Variants in VIT observed in about 807,000 individuals in gnomAD.
The protein encoded by VIT is vitrin.
Under a neutral mutation model 78.0 loss-of-function variants are expected in VIT, and 99 were observed. The observed-to-expected ratio is 1.27, with a 90% CI of 1.08 to 1.50. VIT has a LOEUF of 1.50. Among genes scored for constraint, VIT ranks in the 40% most tolerant of loss-of-function variants. VIT has a pLI of 0.00. For missense variants in VIT, 1,126 were observed against 875.3 expected (o/e 1.29, Z -3.61); for synonymous variants, 374 against 334.3 (o/e 1.12, Z -1.29).
At chr2:36,737,746 G>T (rs1217714794) in intron 3 of VIT, among the ~76,000 whole-genome samples, 1 of 152,186 alleles carries the variant, frequency 6.6e-6, no homozygotes, top group Non-Finnish European at 1.5e-5. Flanking sequence ...TGTAAGATTT[G>T]GTATAGCATG....
chr2:36,808,713 A>G lies in VIT; in HGVS notation c.1631A>G (p.Asp544Gly). 1 of 1,614,182 alleles carries G rather than the reference A, an allele frequency of 6.2e-7. No individual in the cohort carries two copies. The highest frequency in any genetic ancestry group is 8.5e-7 in the Non-Finnish European group (1 of 1,180,020). ...CTCACCAAAGAGTTTGAGATTTCCG[A>G]CACGGACACGCGCATCGGGGCCGTG... Reference protein sequence around the residue: ...TNLTKEFEISDTDTRIGAVQY... With the variant: ...TNLTKEFEISGTDTRIGAVQY... Residue 544 changes from aspartate to glycine, a missense_variant, in exon 15 of 16, where the codon GAC becomes GGC. Transcript: ENST00000379242.
chr2:36,788,849 T>C (rs1041391695), intron 12 of VIT, among the ~76,000 whole-genome samples: 1 of 152,144 alleles, frequency 6.6e-6, no homozygotes, highest in Non-Finnish European at 1.5e-5. Flanking sequence ...ATGATAAATA[T>C]GTCAGGGAAA....
At chr2:36,702,954 C>T (rs2148411179) in intron 1 of VIT, among the ~76,000 whole-genome samples, 1 of 152,300 alleles carries the variant, frequency 6.6e-6, no homozygotes, top group South Asian at 2.1e-4. Context: ...GGCTCCTCAG[C>T]CCTCCATGCA....
chr2:36,797,171 C>T (rs1160907649), intron 12 of VIT, among the ~76,000 whole-genome samples: 1 of 150,922 alleles, frequency 6.6e-6, no homozygotes, highest in Non-Finnish European at 1.5e-5. Flanking sequence ...ACTTTAAGGA[C>T]TCTGAAGCTT....
Position 36,781,813 on chromosome 2 carries a change from A to G in VIT, c.847+42A>G, listed in dbSNP as rs945544577. On this transcript the variant is annotated intron_variant, in intron 10 of 15. Transcript: ENST00000379242. ...ACCTCTCAGCCACGCGTGGATCAAG[A>G]TGCGCAGGATAGCAGAACTAAGAGT... The G allele has an allele frequency of 4.3e-6, 7 of 1,609,376 alleles. No homozygotes were observed. In the East Asian group the frequency reaches 8.9e-5, roughly 20 times the overall value.
chr2:36,724,512 T>G (rs1001311203), intron 2 of VIT, among the ~76,000 whole-genome samples: 3 of 152,146 alleles, frequency 2.0e-5, no homozygotes, highest in African/African-American at 7.2e-5. Context: ...AATTTACCAT[T>G]TCCAGTGTAG....
intron 2 of VIT, among the ~76,000 whole-genome samples, chr2:36,724,222 T>C (rs998459322): frequency 6.6e-6 from 1 of 152,152 alleles, no homozygotes; most frequent in Non-Finnish European, 1.5e-5. Flanking sequence ...TTTCACCATG[T>C]TGGCCAGAGA....
intron 2 of VIT, among the ~76,000 whole-genome samples, chr2:36,717,483 G>C (rs1666240745): frequency 7.1e-6 from 1 of 141,218 alleles, no homozygotes; most frequent in African/African-American, 2.6e-5. Flanking sequence ...TGATCCTCCT[G>C]CCTCAGCCTC....
At chr2:36,763,978 A>G (rs1669275161) in intron 6 of VIT, among the ~76,000 whole-genome samples, 2 of 152,044 alleles carry the variant, frequency 1.3e-5, no homozygotes, top group South Asian at 4.2e-4. Context: ...TTTATGATAC[A>G]CTTGAAAGCA....
intron 2 of VIT, among the ~76,000 whole-genome samples, chr2:36,722,507 C>T (rs1329703300): frequency 1.3e-5 from 2 of 152,182 alleles, no homozygotes; most frequent in Non-Finnish European, 2.9e-5. Context: ...TTATTTGATG[C>T]TAAATGTTTC....
At chr2:36,780,031 CT>C (rs1227772243) in intron 9 of VIT, among the ~76,000 whole-genome samples, 2 of 152,214 alleles carry the variant, frequency 1.3e-5, no homozygotes, top group Non-Finnish European at 2.9e-5. Flanking sequence ...CCTGTTCCTC[CT>C]TGACGCCAGA....
At chr2:36,736,108 T>C (rs1426492217) in intron 3 of VIT, among the ~76,000 whole-genome samples, 1 of 152,196 alleles carries the variant, frequency 6.6e-6, no homozygotes, top group Non-Finnish European at 1.5e-5. Context: ...CTTAGAGCCA[T>C]AGATCTAACC....
At chr2:36,797,708 TCCTGGGAGTTGATGAAATCTC>T (rs1261962526) in intron 12 of VIT, among the ~76,000 whole-genome samples, 2 of 152,182 alleles carry the variant, frequency 1.3e-5, no homozygotes, top group Admixed American at 1.3e-4. Context: ...GGTCTGTGAG[TCCTGGGAGTTGATGAAATCTC>T]CCAGGGATGT....
At chr2:36,702,500 A>C (rs1170856608) in intron 1 of VIT, among the ~76,000 whole-genome samples, 2 of 152,122 alleles carry the variant, frequency 1.3e-5, no homozygotes, top group Non-Finnish European at 2.9e-5. Flanking sequence ...ATCCTTAAAA[A>C]CGTAAAGATG....
Position 36,767,242 on chromosome 2 carries a change from C to A in VIT, c.636C>A (p.Ser212Arg). 1.3e-6 allele frequency: 2 copies of A among 1,597,644 alleles called. No homozygotes were observed. Among genetic ancestry groups the A allele is most frequent in the South Asian group, 1.1e-5 (1 of 87,726 alleles). ...CCCCTTCTGCTGCTTCTACCACCAG[C>A]ATCCCCAGACCACAATCAGTGGGCC... The part of the protein sequence containing the change: ...RPSPSAASTT[S>R]IPRPQSVGHR... The change falls in exon 7 of 16, where the codon AGC (serine) becomes AGA (arginine). Residue 212 changes from serine (S) to arginine (R), a missense_variant. Transcript: ENST00000379242.
In VIT at chr2:36,799,902, G is replaced by C. The variant is rs142943674; in HGVS notation, c.1059-1399G>C. Among the ~76,000 whole-genome samples the C allele has an allele frequency of 1.0e-3, 157 of 152,088 alleles. 1 individual carries two copies. In the East Asian group the frequency reaches 0.028, roughly 27 times the overall value. ...ATCTCTACTAAAAATACAAAAATTA[G>C]CTGGGTGTGGTGACACGCACCGGTA... is the stretch of plus-strand genomic sequence containing the variant. On this transcript the variant is annotated intron_variant, in intron 12 of 15. Transcript: ENST00000379242.
chr2:36,712,574 C>T (rs1005638177), intron 1 of VIT, among the ~76,000 whole-genome samples: 2 of 152,150 alleles, frequency 1.3e-5, no homozygotes, highest in Admixed American at 6.5e-5. Flanking sequence ...GGTGGTGGCT[C>T]ACACCTGTAA....
intron 1 of VIT, among the ~76,000 whole-genome samples, chr2:36,699,593 T>C (rs1252031738): frequency 1.7e-5 from 1 of 58,130 alleles, no homozygotes; most frequent in African/African-American, 5.2e-5. Context: ...ATTATAGATA[T>C]AGATATAGAT....
intron 4 of VIT, among the ~76,000 whole-genome samples, chr2:36,752,177 A>G (rs1473101393): frequency 6.6e-6 from 1 of 152,202 alleles, no homozygotes; most frequent in Non-Finnish European, 1.5e-5. Context: ...AACATATTTG[A>G]GGCATCATAT....
Sources: gnomAD v4.1 joint callset for allele counts (sites outside exome capture counted in the v4.1 genomes callset) on GRCh38, gnomAD v4.1.1 for gene constraint, MANE v1.5 for transcripts, NCBI Gene and HGNC (gene_info 2026-07-23, HGNC 2026-07-21) for gene names.